Variants in CTNND2 observed in about 807,000 individuals in gnomAD.
CTNND2 encodes the protein catenin delta 2, also known as catenin delta-2.
CTNND2 carries 22 observed loss-of-function variants against 144.4 expected under a neutral mutation model. The ratio of observed to expected loss-of-function variants is 0.15; its 90% CI spans 0.11 to 0.22. CTNND2 has a LOEUF of 0.22. Among genes scored for constraint, CTNND2 ranks in the 10% least tolerant of loss-of-function variants. The pLI is 1.00. For missense variants in CTNND2, 1,353 were observed against 1,618.8 expected (o/e 0.84, Z 2.82); for synonymous variants, 751 against 695.6 (o/e 1.08, Z -1.25).
At chr5:11,593,908 G>A (rs1257150557) in intron 2 of CTNND2, among the ~76,000 whole-genome samples, 2 of 140,756 alleles carry the variant, frequency 1.4e-5, no homozygotes, top group Non-Finnish European at 3.1e-5. Flanking sequence ...AAAATTCAGA[G>A]AGACAGATAA....
chr5:11,831,993 A>G (rs928370191), intron 1 of CTNND2, among the ~76,000 whole-genome samples: 1 of 152,200 alleles, frequency 6.6e-6, no homozygotes, highest in African/African-American at 2.4e-5. Flanking sequence ...ATTAAAATAC[A>G]AAAGCTCTGG....
At chr5:11,549,997 C>T (rs1441428006) in intron 3 of CTNND2, among the ~76,000 whole-genome samples, 1 of 152,064 alleles carries the variant, frequency 6.6e-6, no homozygotes, top group African/African-American at 2.4e-5. Context: ...TCTATTCACG[C>T]ATATAACATG....
At chr5:11,714,400 G>A (rs1786223239) in intron 2 of CTNND2, among the ~76,000 whole-genome samples, 1 of 152,106 alleles carries the variant, frequency 6.6e-6, no homozygotes, top group Non-Finnish European at 1.5e-5. Flanking sequence ...TAAAGTTACA[G>A]AGCATTACAC....
intron 8 of CTNND2, among the ~76,000 whole-genome samples, chr5:11,357,654 A>G (rs934201965): frequency 6.6e-6 from 1 of 152,080 alleles, no homozygotes; most frequent in Admixed American, 6.5e-5. Context: ...AAAATATTGT[A>G]TATTACAGAA....
chr5:11,738,462 T>C (rs1406234429), intron 1 of CTNND2, among the ~76,000 whole-genome samples: 4 of 152,184 alleles, frequency 2.6e-5, no homozygotes, highest in Admixed American at 2.6e-4. Context: ...GGAGTCTCTA[T>C]AAATTTACAT....
chr5:11,786,823 G>T (rs567187686), intron 1 of CTNND2, among the ~76,000 whole-genome samples: 6 of 152,296 alleles, frequency 3.9e-5, no homozygotes, highest in Admixed American at 3.3e-4. Flanking sequence ...AGTTCCCAGA[G>T]AAATTTTAGG....
At chr5:11,686,698 A>T (rs1581720651) in intron 2 of CTNND2, among the ~76,000 whole-genome samples, 1 of 151,002 alleles carries the variant, frequency 6.6e-6, no homozygotes, top group African/African-American at 2.4e-5. Context: ...AATATACTTT[A>T]TTAATGGAAG....
intron 3 of CTNND2, among the ~76,000 whole-genome samples, chr5:11,439,740 ATATCTATCTATCTATCTATCTATCTATC>A (rs57368706): frequency 2.1e-4 from 31 of 146,194 alleles, no homozygotes; most frequent in East Asian, 1.6e-3. Flanking sequence ...TCTGCTAGCT[ATATCTATCTATCTATCTATCTATCTATC>A]TATCTATCTA....
At chr5:11,222,720 T>G (rs1051197268) in intron 10 of CTNND2, among the ~76,000 whole-genome samples, 2 of 152,156 alleles carry the variant, frequency 1.3e-5, no homozygotes, top group Non-Finnish European at 2.9e-5. Context: ...GCAGGAGGAT[T>G]TCTTGAGTTC....
rs565771074 is a variant in CTNND2, at chr5:11,741,625, G to A, written c.38-9353C>T. On this transcript the variant is annotated intron_variant, in intron 1 of 21. Coordinates refer to ENST00000304623, the MANE Select transcript of CTNND2 (RefSeq NM_001332.4). Reference sequence around the variant, plus strand: ...AGGAGAAATACCTAATGTAAATGTCGAGTTGATGGGTGTAGCAAACCAACA... The same window carrying A: ...AGGAGAAATACCTAATGTAAATGTCAAGTTGATGGGTGTAGCAAACCAACA... 5.8e-4 allele frequency among the ~76,000 whole-genome samples: 88 copies of A among 151,910 alleles called. 3 individuals carry two copies. In the South Asian group the frequency reaches 0.017, roughly 29 times the overall value.
intron 3 of CTNND2, among the ~76,000 whole-genome samples, chr5:11,530,297 G>A (rs1324547215): frequency 6.6e-6 from 1 of 152,076 alleles, no homozygotes; most frequent in Non-Finnish European, 1.5e-5. Context: ...GGTAGGAGTT[G>A]AATAATCCTG....
intron 1 of CTNND2, among the ~76,000 whole-genome samples, chr5:11,744,988 G>A (rs1367498811): frequency 1.3e-5 from 2 of 151,922 alleles, no homozygotes; most frequent in Non-Finnish European, 2.9e-5. Context: ...CACCCACCTC[G>A]GCCAAAGTAC....
intron 9 of CTNND2, among the ~76,000 whole-genome samples, chr5:11,324,521 G>T (rs1281059620): frequency 6.6e-6 from 1 of 152,206 alleles, no homozygotes; most frequent in Non-Finnish European, 1.5e-5. Context: ...AAGAAAGTAT[G>T]CCTTCACTTG....
intron 2 of CTNND2, among the ~76,000 whole-genome samples, chr5:11,636,168 T>C (rs923444875): frequency 3.9e-5 from 6 of 152,192 alleles, no homozygotes; most frequent in Admixed American, 6.6e-5. Context: ...TTATTTTGTA[T>C]ATTGTACTTC....
At chr5:11,522,976 C>T (rs1772884226) in intron 3 of CTNND2, among the ~76,000 whole-genome samples, 1 of 152,180 alleles carries the variant, frequency 6.6e-6, no homozygotes, top group Non-Finnish European at 1.5e-5. Flanking sequence ...ATATATTCTC[C>T]AACATTTCTG....
intron 2 of CTNND2, among the ~76,000 whole-genome samples, chr5:11,649,531 G>C (rs1436311026): frequency 6.6e-6 from 1 of 152,044 alleles, no homozygotes; most frequent in African/African-American, 2.4e-5. Flanking sequence ...TGGCCAGGCT[G>C]GTCTCAAACA....
intron 9 of CTNND2, among the ~76,000 whole-genome samples, chr5:11,267,480 G>A (rs1745562107): frequency 6.6e-6 from 1 of 152,166 alleles, no homozygotes; most frequent in Non-Finnish European, 1.5e-5. Flanking sequence ...CATTAACTGG[G>A]ACACAGATAA....
intron 3 of CTNND2, among the ~76,000 whole-genome samples, chr5:11,543,475 T>C (rs550947787): frequency 2.6e-5 from 4 of 152,352 alleles, no homozygotes; most frequent in Admixed American, 2.6e-4. Flanking sequence ...CTTGTTGTCT[T>C]GTTTAGTTTT....
chr5:11,404,060 C>T (rs550403097), intron 5 of CTNND2, among the ~76,000 whole-genome samples: 134 of 152,254 alleles, frequency 8.8e-4, no homozygotes, highest in African/African-American at 3.2e-3. Context: ...ATATATGATG[C>T]TAGTCACTCA....
Sources: allele counts gnomAD v4.1 joint callset (sites outside exome capture counted in the v4.1 genomes callset), GRCh38; gene constraint gnomAD v4.1.1; transcripts MANE v1.5; gene names NCBI Gene and HGNC (gene_info 2026-07-23, HGNC 2026-07-21).